ADAMTS19: variants seen among roughly 807,000 people sequenced by gnomAD.
ADAMTS19 encodes the protein A disintegrin and metalloproteinase with thrombospondin motifs 19.
ADAMTS19 carries 93 observed loss-of-function variants against 153.3 expected under a neutral mutation model. The observed-to-expected ratio is 0.61, with a 90% CI of 0.51 to 0.72. The LOEUF is 0.72. Ranked by LOEUF, ADAMTS19 falls within the 30% of genes least tolerant of loss-of-function variation. The pLI, the probability that ADAMTS19 is intolerant of heterozygous loss-of-function variation, is 0.00. For synonymous variants in ADAMTS19, 600 were observed against 556.6 expected (o/e 1.08, Z -1.10); for missense variants, 1,482 against 1,552.1 (o/e 0.95, Z 0.76).
intron 6 of ADAMTS19, among the ~76,000 whole-genome samples, chr5:129,543,594 A>G (rs1193580241): frequency 6.6e-6 from 1 of 152,204 alleles, no homozygotes; most frequent in Non-Finnish European, 1.5e-5. Flanking sequence ...TCTTTAGAGC[A>G]AAGTTTCCTC....
intron 2 of ADAMTS19, among the ~76,000 whole-genome samples, chr5:129,484,134 C>G (rs1750512537): frequency 6.6e-6 from 1 of 152,034 alleles, no homozygotes; most frequent in Non-Finnish European, 1.5e-5. Context: ...GCATTACATC[C>G]TCATCATCCT....
intron 8 of ADAMTS19, among the ~76,000 whole-genome samples, chr5:129,602,833 T>TGTGA: frequency 6.6e-6 from 1 of 151,272 alleles, no homozygotes; most frequent in African/African-American, 2.4e-5. Context: ...TCTCTGTGTG[T>TGTGA]GTGTGTGTGT....
At position 129,655,023 on chromosome 5, in the gene ADAMTS19, G is replaced by A. The variant is rs1753483851; in HGVS notation, c.2304+590G>A. Among the ~76,000 whole-genome samples, 3 of 152,200 alleles carry A rather than the reference G, an allele frequency of 2.0e-5. No homozygotes were observed. The South Asian group carries it at 6.2e-4, about 32-fold the overall frequency. ...AAGTGATTATGAAGAACATAGTGGA[G>A]AGATCAAAGTGTAGAAGTGAGCAGT... On this transcript the variant is annotated intron_variant, in intron 14 of 22. Transcript: ENST00000274487.
chr5:129,508,600 G>A lies in ADAMTS19; in HGVS notation c.748-477G>A, dbSNP rs532025323. Among the ~76,000 whole-genome samples the A allele has an allele frequency of 2.0e-5, 3 of 151,994 alleles. No homozygotes were observed. In the South Asian group the frequency reaches 6.2e-4, roughly 32 times the overall value. ...TAAAATACGTAGTAGAAGACTTTAA[G>A]GATATTTTATATATTAATTTGATGC... On this transcript the variant is annotated intron_variant, in intron 2 of 22. Coordinates refer to ENST00000274487, the MANE Select transcript of ADAMTS19 (RefSeq NM_133638.6).
chr5:129,714,585 CA>C (rs1475331539), intron 21 of ADAMTS19, among the ~76,000 whole-genome samples: 1 of 151,990 alleles, frequency 6.6e-6, no homozygotes, highest in Non-Finnish European at 1.5e-5. Context: ...TGAGGGATAT[CA>C]GGGGGCAACC....
At chr5:129,698,293 A>G (rs1474403872) in intron 19 of ADAMTS19, among the ~76,000 whole-genome samples, 1 of 152,244 alleles carries the variant, frequency 6.6e-6, no homozygotes, top group Non-Finnish European at 1.5e-5. Context: ...ATTAAGGGTC[A>G]TCACAGGAAA....
intron 3 of ADAMTS19, among the ~76,000 whole-genome samples, chr5:129,520,705 A>T (rs979123818): frequency 6.6e-5 from 10 of 152,158 alleles, no homozygotes; most frequent in Admixed American, 2.0e-4. Flanking sequence ...TTCTCTGCCA[A>T]TTGGAGTAGA....
chr5:129,622,962 C>T (rs10045273), intron 10 of ADAMTS19, among the ~76,000 whole-genome samples: 13,091 of 151,644 alleles, frequency 0.086, 628 homozygotes, highest in African/African-American at 0.1. Context: ...AAACTACAAA[C>T]GGGGAGGGCC....
intron 21 of ADAMTS19, among the ~76,000 whole-genome samples, chr5:129,718,002 A>G (rs1302910545): frequency 6.6e-6 from 1 of 152,208 alleles, no homozygotes; most frequent in African/African-American, 2.4e-5. Context: ...TTTCACTGGA[A>G]TGACAGTAAT....
chr5:129,485,411 C>A (rs1750555818), intron 2 of ADAMTS19, among the ~76,000 whole-genome samples: 1 of 151,558 alleles, frequency 6.6e-6, no homozygotes. Flanking sequence ...TGGGTCCATC[C>A]TAAATTTAAA....
chr5:129,593,713 G>GA (rs1158643506), intron 7 of ADAMTS19, among the ~76,000 whole-genome samples: 1 of 152,026 alleles, frequency 6.6e-6, no homozygotes, highest in African/African-American at 2.4e-5. Flanking sequence ...AACCTAAATT[G>GA]AATCTAAATT....
intron 2 of ADAMTS19, among the ~76,000 whole-genome samples, chr5:129,468,357 T>C (rs1749946510): frequency 6.6e-6 from 1 of 152,078 alleles, no homozygotes; most frequent in African/African-American, 2.4e-5. Flanking sequence ...AAGATGTTAT[T>C]ATTATTATTA....
intron 6 of ADAMTS19, among the ~76,000 whole-genome samples, chr5:129,530,628 T>C (rs181975883): frequency 1.3e-5 from 2 of 152,148 alleles, no homozygotes; most frequent in Non-Finnish European, 2.9e-5. Context: ...AAAATACTTA[T>C]TGAGTTCTTG....
intron 7 of ADAMTS19, among the ~76,000 whole-genome samples, chr5:129,582,616 A>G (rs1749571416): frequency 6.6e-6 from 1 of 152,126 alleles, no homozygotes; most frequent in African/African-American, 2.4e-5. Context: ...TCTGTTGCCC[A>G]GGCTGGAGTG....
chr5:129,462,217 T>C (rs10036717), intron 2 of ADAMTS19, among the ~76,000 whole-genome samples: 1 of 152,016 alleles, frequency 6.6e-6, no homozygotes, highest in Non-Finnish European at 1.5e-5. Flanking sequence ...TACTTCAAAG[T>C]TGAAAGAACA....
intron 13 of ADAMTS19, among the ~76,000 whole-genome samples, chr5:129,649,374 A>T (rs978781142): frequency 6.6e-6 from 1 of 152,264 alleles, no homozygotes; most frequent in Non-Finnish European, 1.5e-5. Context: ...ACTCCTCAGC[A>T]CTAAAGAGGA....
intron 15 of ADAMTS19, 106 bp downstream of exon 15, chr5:129,658,843 C>A: frequency 8.4e-7 from 1 of 1,190,436 alleles, no homozygotes; most frequent in African/African-American, 1.5e-5. Flanking sequence ...CTATTGAAGA[C>A]TTGCAATGGG....
intron 17 of ADAMTS19, 76 bp from the exon 18 acceptor site, chr5:129,684,044 T>C (rs971432144): frequency 3.5e-6 from 5 of 1,426,190 alleles, no homozygotes; most frequent in Non-Finnish European, 2.9e-6. Context: ...TAAGTATCAA[T>C]ATTGTTAATT....
At chr5:129,658,309 A>AAAAAAAGAAAGAAAG (rs1554103294) in intron 14 of ADAMTS19, among the ~76,000 whole-genome samples, 1 of 113,624 alleles carries the variant, frequency 8.8e-6, no homozygotes, top group African/African-American at 4.0e-5. Context: ...GAAAGAAAGA[A>AAAAAAAGAAAGAAAG]AAAGAAAGAA....
Sources: allele counts gnomAD v4.1 joint callset (sites outside exome capture counted in the v4.1 genomes callset), GRCh38; gene constraint gnomAD v4.1.1; transcripts MANE v1.5; gene names NCBI Gene and HGNC (gene_info 2026-07-23, HGNC 2026-07-21).